SYT2: variants seen among roughly 807,000 people sequenced by gnomAD.
The protein encoded by SYT2 is synaptotagmin-2.
In SYT2, 15 loss-of-function variants were observed where a neutral mutation model predicts 39.9. That is an observed-to-expected ratio of 0.38 (90% confidence interval 0.25 to 0.58). SYT2 has a LOEUF of 0.58. Ranked by LOEUF, SYT2 falls within the 20% of genes least tolerant of loss-of-function variation. The pLI is 0.70. For missense variants in SYT2, 389 were observed against 530.3 expected, an observed-to-expected ratio of 0.73 and a Z score of 2.62; for synonymous variants, 181 against 204.5, an observed-to-expected ratio of 0.89 and a Z score of 0.98.
chr1:202,687,111 G>A (rs1238067406), intron 1 of SYT2, among the ~76,000 whole-genome samples: 4 of 152,004 alleles, frequency 2.6e-5, no homozygotes, highest in African/African-American at 9.7e-5. Context: ...ATATCACCAC[G>A]GCTTAGCAAA....
At chr1:202,625,911 C>T (rs1691390802) in intron 1 of SYT2, among the ~76,000 whole-genome samples, 1 of 152,212 alleles carries the variant, frequency 6.6e-6, no homozygotes, top group South Asian at 2.1e-4. Flanking sequence ...AGTGCAAGAA[C>T]ATAGCAGAGA....
intron 1 of SYT2, among the ~76,000 whole-genome samples, chr1:202,651,694 T>C (rs139699661): frequency 4.1e-4 from 63 of 152,326 alleles, no homozygotes; most frequent in African/African-American, 1.4e-3. Flanking sequence ...ATCTTTCTTT[T>C]TCCTAAAGCC....
chr1:202,626,397 G>GTTTTTTTTTTTTTTTTTTTT (rs1558437010), intron 1 of SYT2, among the ~76,000 whole-genome samples: 2 of 102,432 alleles, frequency 2.0e-5, no homozygotes, highest in South Asian at 3.8e-4. Flanking sequence ...CAGCCTCTCA[G>GTTTTTTTTTTTTTTTTTTTT]CTTTTTTTTT....
chr1:202,645,054 G>T (rs1420496415), intron 1 of SYT2, among the ~76,000 whole-genome samples: 1 of 152,172 alleles, frequency 6.6e-6, no homozygotes, highest in Non-Finnish European at 1.5e-5. Flanking sequence ...GTTGGGAAGG[G>T]TGTGTGCGTG....
At position 202,591,079 on chromosome 1, in the gene SYT2, G is replaced by C. The variant is rs1191243541; in HGVS notation, c.*5678C>G. 6.6e-6 allele frequency: 1 copy of C among 152,306 alleles called. No individual in the cohort carries two copies. Among genetic ancestry groups the C allele is most frequent in the Non-Finnish European group, 1.5e-5 (1 of 68,116 alleles). 9.4% of individuals were successfully genotyped at this position (152,306 alleles called of 1,614,324 possible). ...GTGGAGAGTGGGAGGGCCCCAGAGA[G>C]AGCTGGAGGAAGCAAGACATGTCTT... On this transcript the variant is annotated 3_prime_UTR_variant, in exon 9 of 9. Transcript: ENST00000367268.
At chr1:202,647,153 A>G (rs1692101854) in intron 1 of SYT2, among the ~76,000 whole-genome samples, 1 of 152,248 alleles carries the variant, frequency 6.6e-6, no homozygotes, top group African/African-American at 2.4e-5. Flanking sequence ...TCACCTCCAA[A>G]TAAGTCCACA....
At position 202,623,527 on chromosome 1, in the gene SYT2, TG is replaced by T. The variant is rs1691259515; in HGVS notation, c.-17-17739del. 6.6e-6 allele frequency among the ~76,000 whole-genome samples: 1 copy of T among 152,170 alleles called. No individual in the cohort carries two copies. The highest frequency in any genetic ancestry group is 1.5e-5 in the Non-Finnish European group (1 of 68,010). Reference sequence around the variant, plus strand: ...GCGGAGGAGAGGGTCTTCCATTGGTTGGGTGTCAAGATGCTTGGGAGCAGGC... The same window carrying T: ...GCGGAGGAGAGGGTCTTCCATTGGTTGGTGTCAAGATGCTTGGGAGCAGGC... On this transcript the variant is annotated intron_variant, in intron 1 of 8. Coordinates refer to ENST00000367268, the MANE Select transcript of SYT2 (RefSeq NM_177402.5). The surrounding 1 kb of genome is among the most constrained non-coding windows in gnomAD (Gnocchi z 4.2).
At chr1:202,658,675 G>GT (rs35321422) in intron 1 of SYT2, among the ~76,000 whole-genome samples, 129 of 146,648 alleles carry the variant, frequency 8.8e-4, no homozygotes, top group African/African-American at 1.4e-3. Flanking sequence ...TTTTTTATTA[G>GT]TTTTTTTTTT....
chr1:202,645,522 G>A (rs966821946), intron 1 of SYT2, among the ~76,000 whole-genome samples: 1 of 152,202 alleles, frequency 6.6e-6, no homozygotes, highest in African/African-American at 2.4e-5. Context: ...CGATTGGAAT[G>A]TAGTGCTGCT....
chr1:202,694,145 G>A (rs945005176), intron 1 of SYT2, among the ~76,000 whole-genome samples: 2 of 152,204 alleles, frequency 1.3e-5, no homozygotes, highest in Non-Finnish European at 2.9e-5. Flanking sequence ...ATTTCAACAA[G>A]TGATTTGGAG....
rs1558443893 is a variant in SYT2 at position 202,640,778 on chromosome 1, GAGAGAGAGAGAGAGACAGAC to G, written c.-17-35009_-17-34990del. On this transcript the variant is annotated intron_variant, in intron 1 of 8. Coordinates refer to ENST00000367268, the MANE Select transcript of SYT2 (RefSeq NM_177402.5). ...AGAGAGAGAGAGAGAGAGAGAGAGA[GAGAGAGAGAGAGAGACAGAC>G]AGACAGAGAGACAGAGAGACAGTGA... is the stretch of plus-strand genomic sequence containing the variant. Among the ~76,000 whole-genome samples, 961 of 129,858 alleles carry G rather than the reference GAGAGAGAGAGAGAGACAGAC, an allele frequency of 7.4e-3. 25 individuals are homozygous for G. Among genetic ancestry groups the G allele is most frequent in the African/African-American group, 0.03 (860 of 28,468 alleles). 85.2% of individuals were successfully genotyped at this position (129,858 alleles called of 152,430 possible).
chr1:202,627,539 T>G (rs1691451463), intron 1 of SYT2: 10 of 985,210 alleles, frequency 1.0e-5, no homozygotes, highest in Non-Finnish European at 1.2e-5. Context: ...TGCCTTGCAG[T>G]GCTCCACTAT....
intron 1 of SYT2, chr1:202,631,996 A>G (rs1691606841): frequency 1.0e-6 from 1 of 982,452 alleles, no homozygotes; most frequent in African/African-American, 1.8e-5. Flanking sequence ...CTCAAGGAGA[A>G]GTAGCTGCCA....
chr1:202,652,795 G>A (rs1345482320), intron 1 of SYT2, among the ~76,000 whole-genome samples: 7 of 152,204 alleles, frequency 4.6e-5, no homozygotes, highest in Admixed American at 3.9e-4. Context: ...TGTGCTAACT[G>A]TGTGACTTGG....
chr1:202,662,532 A>G lies in SYT2; in HGVS notation c.-18+47726T>C, dbSNP rs2149106283. ...TGGCAGGGCCAAGTGCTACCCTTCC[A>G]CCGGCTCAGGTACATCATTAACCAA... On this transcript the variant is annotated intron_variant, in intron 1 of 8. Transcript: ENST00000367268. Among the ~76,000 whole-genome samples the G allele has an allele frequency of 2.0e-5, 3 of 152,314 alleles. 1 individual carries two copies. The South Asian group carries it at 6.2e-4, about 32-fold the overall frequency.
chr1:202,624,095 A>G (rs1691275724), intron 1 of SYT2, among the ~76,000 whole-genome samples: 1 of 152,166 alleles, frequency 6.6e-6, no homozygotes, highest in Non-Finnish European at 1.5e-5. Context: ...TTGGCACGAA[A>G]GCAAAAGCCT....
At chr1:202,689,559 G>T (rs1020059837) in intron 1 of SYT2, among the ~76,000 whole-genome samples, 1 of 152,140 alleles carries the variant, frequency 6.6e-6, no homozygotes, top group African/African-American at 2.4e-5. Flanking sequence ...CTCACTAGCC[G>T]TGTGACCTCA....
intron 1 of SYT2, chr1:202,627,742 C>T (rs984914465): frequency 1.4e-5 from 7 of 518,240 alleles, no homozygotes; most frequent in African/African-American, 1.2e-4. Flanking sequence ...TCCACTCTTT[C>T]ATCTGATCTT....
intron 1 of SYT2, among the ~76,000 whole-genome samples, chr1:202,692,021 C>G (rs928597317): frequency 1.3e-5 from 2 of 152,082 alleles, no homozygotes; most frequent in African/African-American, 4.8e-5. Context: ...CCAGTCTCTG[C>G]CCAGCACTCC....
Sources: allele counts gnomAD v4.1 joint callset (sites outside exome capture counted in the v4.1 genomes callset), GRCh38; gene constraint gnomAD v4.1.1; non-coding constraint Gnocchi (gnomAD v3.1); transcripts MANE v1.5; gene names NCBI Gene and HGNC (gene_info 2026-07-23, HGNC 2026-07-21).